The following RASSF8 variants were observed in gnomAD, a reference collection of about 807,000 sequenced individuals.
RASSF8 encodes ras association domain-containing protein 8.
In RASSF8, 22 loss-of-function variants were observed where a neutral mutation model predicts 48.5. That is an observed-to-expected ratio of 0.45 (90% confidence interval 0.32 to 0.65). The LOEUF (loss-of-function observed/expected upper bound fraction) is 0.65, where lower values mean the gene tolerates loss of function less well. RASSF8 is among the 30% of genes least tolerant of loss of function. The pLI is 0.03. For missense variants in RASSF8, 418 were observed against 489.2 expected (o/e 0.85, Z 1.37); for synonymous variants, 127 against 171.5 (o/e 0.74, Z 2.03).
intron 1 of RASSF8, among the ~76,000 whole-genome samples, chr12:25,962,805 A>G (rs1050723007): frequency 2.6e-5 from 4 of 152,126 alleles, no homozygotes; most frequent in African/African-American, 9.7e-5. Context: ...ACACTTTTCT[A>G]TATTCCTTCT....
At chr12:26,034,603 G>C (rs910170080) in intron 2 of RASSF8, among the ~76,000 whole-genome samples, 26 of 151,934 alleles carry the variant, frequency 1.7e-4, no homozygotes, top group Non-Finnish European at 2.8e-4. Context: ...ATAATCTTAG[G>C]GGGGAGAAAA....
Position 26,070,543 on chromosome 12 carries a change from A to G in RASSF8, c.*1725A>G, listed in dbSNP as rs1943976766. 1 of 981,894 alleles carries G rather than the reference A, an allele frequency of 1.0e-6. No homozygotes were observed. 60.8% of individuals were successfully genotyped at this position (981,894 alleles called of 1,614,324 possible). Reference sequence around the variant, plus strand: ...TAACTGAAGTAAATGATTCTTACCTAAATAACCACAACCTGTACACATTTG... The same window carrying G: ...TAACTGAAGTAAATGATTCTTACCTGAATAACCACAACCTGTACACATTTG... On this transcript the variant is annotated 3_prime_UTR_variant, in exon 6 of 6. Transcript: ENST00000689635.
At position 25,979,175 on chromosome 12, in the gene RASSF8, C is replaced by T. The variant is rs1208576724; in HGVS notation, c.-202-15862C>T. ...GATGAGTCCTAAGACAGATTGGACA[C>T]GTTGGTAGTTGAAGACCAACTAGTA... On this transcript the variant is annotated intron_variant, in intron 1 of 5. Coordinates refer to ENST00000689635, the MANE Select transcript of RASSF8 (RefSeq NM_001394098.1). 3.3e-5 allele frequency among the ~76,000 whole-genome samples: 5 copies of T among 152,224 alleles called. No homozygotes were observed. In the South Asian group the frequency reaches 8.3e-4, roughly 25 times the overall value.
downstream of RASSF8, among the ~76,000 whole-genome samples, chr12:26,073,693 C>G (rs944201814): frequency 2.0e-5 from 3 of 151,250 alleles, no homozygotes; most frequent in Non-Finnish European, 4.4e-5. Flanking sequence ...GAGCCGAGAT[C>G]GCACCACTGC....
chr12:25,983,003 A>G (rs1213778649), intron 1 of RASSF8, among the ~76,000 whole-genome samples: 1 of 152,214 alleles, frequency 6.6e-6, no homozygotes, highest in East Asian at 1.9e-4. Flanking sequence ...TTTTGGAGGA[A>G]TCTTTCTTCA....
Position 26,055,343 on chromosome 12 carries a change from C to T in RASSF8, c.-1C>T. 1.2e-6 allele frequency: 2 copies of T among 1,613,676 alleles called. No individual in the cohort carries two copies. Among genetic ancestry groups the T allele is most frequent in the East Asian group, 2.2e-5 (1 of 44,860 alleles). On this transcript the variant is annotated 5_prime_UTR_variant, in exon 3 of 6. Transcript: ENST00000689635. ...GACCTTGAGTGACTGGCCGGTGCAC[C>T]ATGGAACTTAAAGTATGGGTGGATG...
At chr12:26,010,221 AGGGTTT>A (rs1942490248) in intron 2 of RASSF8, among the ~76,000 whole-genome samples, 1 of 152,172 alleles carries the variant, frequency 6.6e-6, no homozygotes, top group Non-Finnish European at 1.5e-5. Flanking sequence ...GCACCAGCAA[AGGGTTT>A]GAGTTTTAAG....
intron 2 of RASSF8, among the ~76,000 whole-genome samples, chr12:26,046,642 G>C (rs1224842730): frequency 6.6e-6 from 1 of 150,750 alleles, no homozygotes; most frequent in Non-Finnish European, 1.5e-5. Context: ...TTCAAGACCA[G>C]CTGGGCAACA....
In RASSF8 at chr12:26,065,293, G is replaced by A; in HGVS notation, c.899G>A (p.Gly300Glu). ...EVKGKIGKVK[G>E]EIDIQGQQSL... is the part of the protein sequence containing the mutation. Reference sequence around the variant, plus strand: ...AAAGGAAAGATCGGTAAGGTCAAAGGGGAGATTGACATTCAAGGCCAGCAG... The same window carrying A: ...AAAGGAAAGATCGGTAAGGTCAAAGAGGAGATTGACATTCAAGGCCAGCAG... The change falls in exon 4 of 6, where the codon GGG becomes GAG. Residue 300 changes from glycine to glutamate, a missense_variant. By Grantham distance (98) the Gly-to-Glu change is moderately conservative (BLOSUM62 -2). Coordinates refer to ENST00000689635, the MANE Select transcript of RASSF8 (RefSeq NM_001394098.1). The A allele has an allele frequency of 6.2e-7, 1 of 1,614,068 alleles. No individual in the cohort carries two copies. Among genetic ancestry groups the A allele is most frequent in the East Asian group, 2.2e-5 (1 of 44,888 alleles).
At chr12:26,062,621 T>C (rs1326927820) in intron 3 of RASSF8, among the ~76,000 whole-genome samples, 1 of 152,184 alleles carries the variant, frequency 6.6e-6, no homozygotes, top group Admixed American at 6.5e-5. Context: ...TCCAGAACCT[T>C]TGTCCCATCT....
intron 2 of RASSF8, among the ~76,000 whole-genome samples, chr12:26,028,340 G>A (rs1363896401): frequency 6.6e-6 from 1 of 152,168 alleles, no homozygotes; most frequent in East Asian, 1.9e-4. Context: ...GATGATGTGT[G>A]ATAACCTTAT....
intron 2 of RASSF8, among the ~76,000 whole-genome samples, chr12:26,019,961 A>G (rs1184298785): frequency 6.6e-6 from 1 of 152,188 alleles, no homozygotes; most frequent in African/African-American, 2.4e-5. Context: ...GCTTTATGGC[A>G]TTTGTCTAGG....
Position 26,065,145 on chromosome 12 carries a change from A to C in RASSF8, c.751A>C (p.Ile251Leu). 6.2e-7 allele frequency: 1 copy of C among 1,614,040 alleles called. No individual in the cohort carries two copies. The highest frequency in any genetic ancestry group is 8.5e-7 in the Non-Finnish European group (1 of 1,179,962). The stretch of plus-strand genomic sequence containing the variant: ...TCAACTTCAAGAAATAAGACAGAAA[A>C]TAACAGAATGTGAAAACAAATTAAA... Reference protein sequence around the residue: ...KDQLQEIRQKITECENKLKDY... With the variant: ...KDQLQEIRQKLTECENKLKDY... The change falls in exon 4 of 6, where the codon ATA becomes CTA. Residue 251 changes from isoleucine to leucine, a missense_variant. Coordinates refer to ENST00000689635, the MANE Select transcript of RASSF8 (RefSeq NM_001394098.1).
At chr12:25,985,330 A>C (rs1261493630) in intron 1 of RASSF8, among the ~76,000 whole-genome samples, 1 of 152,210 alleles carries the variant, frequency 6.6e-6, no homozygotes, top group Non-Finnish European at 1.5e-5. Flanking sequence ...GGGATCTTTC[A>C]TTGCTGGGAT....
Position 25,995,093 on chromosome 12 carries a change from C to T in RASSF8, c.-146C>T, listed in dbSNP as rs564050034. On this transcript the variant is annotated 5_prime_UTR_variant, in exon 2 of 6. Transcript: ENST00000689635. ...GTGGTGCTGTCCTTCCTCAAGACTA[C>T]CTCATTCTCACTGGCTCGGAGACTC... 1 of 152,284 alleles carries T rather than the reference C, an allele frequency of 6.6e-6. No individual in the cohort carries two copies. Among genetic ancestry groups the T allele is most frequent in the Non-Finnish European group, 1.5e-5 (1 of 68,122 alleles). The allele number at this position is 152,284 out of a possible 1,614,324, so 9.4% of individuals were successfully genotyped here. A position where few individuals can be genotyped will look rare whatever the true frequency, so the allele number is the denominator to read the frequency against.
At chr12:26,044,290 T>C (rs1209044303) in intron 2 of RASSF8, among the ~76,000 whole-genome samples, 2 of 152,184 alleles carry the variant, frequency 1.3e-5, no homozygotes, top group East Asian at 1.9e-4. Context: ...TGACTGCTTG[T>C]AGCAGTGCTT....
chr12:25,984,621 G>A lies in RASSF8; in HGVS notation c.-202-10416G>A, dbSNP rs537107858. Among the ~76,000 whole-genome samples the A allele has an allele frequency of 2.4e-4, 37 of 152,316 alleles. No individual in the cohort carries two copies. In the South Asian group the frequency reaches 5.8e-3, roughly 24 times the overall value. ...CTCCCAAAGTGTTGGGACTACAGGC[G>A]TGAGCCACTGCACCCAGCCTAAACT... On this transcript the variant is annotated intron_variant, in intron 1 of 5. Coordinates refer to ENST00000689635, the MANE Select transcript of RASSF8 (RefSeq NM_001394098.1).
chr12:25,991,690 A>G (rs955915949), intron 1 of RASSF8, among the ~76,000 whole-genome samples: 1 of 152,172 alleles, frequency 6.6e-6, no homozygotes, highest in Admixed American at 6.5e-5. Context: ...TGTCTGGCTT[A>G]TATCAGGACA....
intron 1 of RASSF8, among the ~76,000 whole-genome samples, chr12:25,991,870 A>G (rs12308128): frequency 0.12 from 18,209 of 152,228 alleles, 1,204 homozygotes; most frequent in African/African-American, 0.17. Flanking sequence ...AAGAATGCTT[A>G]ATCTTTAGCA....
Sources: gnomAD v4.1 joint callset for allele counts (sites outside exome capture counted in the v4.1 genomes callset) on GRCh38, gnomAD v4.1.1 for gene constraint, MANE v1.5 for transcripts, NCBI Gene and HGNC (gene_info 2026-07-23, HGNC 2026-07-21) for gene names.